Variants in GLIS3 observed in about 807,000 individuals in gnomAD.
GLIS3 encodes zinc finger protein GLIS3.
Under a neutral mutation model 78.6 loss-of-function variants are expected in GLIS3, and 53 were observed. The ratio of observed to expected loss-of-function variants is 0.67; its 90% confidence interval spans 0.54 to 0.85. The LOEUF (loss-of-function observed/expected upper bound fraction) is 0.85. Ranked by LOEUF, GLIS3 falls within the 40% of genes least tolerant of loss-of-function variation. GLIS3 has a pLI of 0.00. For synonymous variants in GLIS3, 684 were observed against 509.9 expected, an observed-to-expected ratio of 1.34 and a Z score of -4.60; for missense variants, 1,703 against 1,231.1, an observed-to-expected ratio of 1.38 and a Z score of -5.74.
chr9:4,295,589 G>T lies in GLIS3; in HGVS notation c.-99+3832C>A, dbSNP rs138164399. ...AAAACCAGACAAAACTAATATATCT[G>T]TTAGAAACCAGGGCAACGGTTACCT... On this transcript the variant is annotated intron_variant, in intron 1 of 10. Transcript: ENST00000381971. Among the ~76,000 whole-genome samples, 466 of 152,270 alleles carry T rather than the reference G, an allele frequency of 3.1e-3. 3 individuals carry two copies. The highest frequency in any genetic ancestry group is 0.011 in the African/African-American group (446 of 41,552).
At chr9:4,246,522 G>T (rs1432859936) in intron 2 of GLIS3, among the ~76,000 whole-genome samples, 2 of 152,154 alleles carry the variant, frequency 1.3e-5, no homozygotes, top group Non-Finnish European at 2.9e-5. Context: ...GTTGTTTCAG[G>T]ATGTCTAATG....
At chr9:4,468,391 T>G in the GLIS3 span, among the ~76,000 whole-genome samples, 1 of 152,232 alleles carries the variant, frequency 6.6e-6, no homozygotes, top group Non-Finnish European at 1.5e-5. Context: ...GAGAGTAAGG[T>G]TGGGTTACCC....
At chr9:3,869,001 C>A (rs1484746225) in intron 8 of GLIS3, among the ~76,000 whole-genome samples, 1 of 152,148 alleles carries the variant, frequency 6.6e-6, no homozygotes, top group African/African-American at 2.4e-5. Context: ...ATACTCTAAA[C>A]TATGATTGCC....
the GLIS3 span, among the ~76,000 whole-genome samples, chr9:4,443,883 T>C: frequency 1.4e-3 from 213 of 152,358 alleles, no homozygotes; most frequent in Middle Eastern, 3.4e-3. Flanking sequence ...GTCAAAATTA[T>C]GTTAATCTGT....
the GLIS3 span, among the ~76,000 whole-genome samples, chr9:4,426,109 A>C: frequency 6.6e-6 from 1 of 152,210 alleles, no homozygotes. Context: ...CCCATCCATG[A>C]GTCCAGAGCC....
At chr9:4,169,961 C>T (rs1816229268) in intron 2 of GLIS3, among the ~76,000 whole-genome samples, 1 of 152,086 alleles carries the variant, frequency 6.6e-6, no homozygotes, top group Non-Finnish European at 1.5e-5. Context: ...CACAAGCGTC[C>T]TCACATCAAA....
intron 4 of GLIS3, among the ~76,000 whole-genome samples, chr9:3,968,449 C>T (rs1818127518): frequency 6.6e-6 from 1 of 152,104 alleles, no homozygotes; most frequent in Non-Finnish European, 1.5e-5. Context: ...AAATGAAATG[C>T]TGACTATATG....
intron 4 of GLIS3, among the ~76,000 whole-genome samples, chr9:4,117,458 C>A: frequency 6.6e-6 from 1 of 152,222 alleles, no homozygotes; most frequent in East Asian, 1.9e-4. Flanking sequence ...TGCTCTTGCA[C>A]ATCCATACAC....
At chr9:4,224,361 G>A (rs1053935792) in intron 2 of GLIS3, among the ~76,000 whole-genome samples, 5 of 152,180 alleles carry the variant, frequency 3.3e-5, no homozygotes, top group South Asian at 2.1e-4. Context: ...TCATCTGGCC[G>A]TCTCACTGGT....
At chr9:4,348,362 A>G (rs1277094734) in exon 1 of GLIS3, 2 of 152,158 alleles carry the variant, frequency 1.3e-5, no homozygotes, top group African/African-American at 4.8e-5. Flanking sequence ...TCACGATCCA[A>G]GTGCCTGTTG....
At chr9:3,903,371 G>A (rs766735733) in intron 6 of GLIS3, among the ~76,000 whole-genome samples, 2 of 152,200 alleles carry the variant, frequency 1.3e-5, no homozygotes, top group Non-Finnish European at 2.9e-5. Context: ...CCTTTACAAA[G>A]CCTTGACTGC....
chr9:4,252,927 G>T (rs1308815996), intron 2 of GLIS3, among the ~76,000 whole-genome samples: 1 of 152,216 alleles, frequency 6.6e-6, no homozygotes, highest in African/African-American at 2.4e-5. Context: ...GTTTGCCTGG[G>T]TATCACCAGT....
intron 9 of GLIS3, among the ~76,000 whole-genome samples, chr9:3,853,546 G>C (rs112391657): frequency 0.012 from 1,805 of 152,226 alleles, 16 homozygotes; most frequent in Non-Finnish European, 0.019. Context: ...AATTAATTAA[G>C]CTCCTACTCT....
At chr9:4,025,935 G>C (rs974401928) in intron 4 of GLIS3, among the ~76,000 whole-genome samples, 2 of 152,082 alleles carry the variant, frequency 1.3e-5, no homozygotes, top group African/African-American at 4.8e-5. Context: ...TAGAGAAAGA[G>C]ACCTGGGTTA....
chr9:4,359,034 G>A, the GLIS3 span, among the ~76,000 whole-genome samples: 1 of 152,158 alleles, frequency 6.6e-6, no homozygotes, highest in Non-Finnish European at 1.5e-5. Context: ...TGTAGAGGCA[G>A]AGACTTGCAA....
In GLIS3 at chr9:3,898,695, A is replaced by G; in HGVS notation, c.2124T>C (p.Tyr708=). 6.2e-7 allele frequency: 1 copy of G among 1,614,134 alleles called. No individual in the cohort carries two copies. The highest frequency in any genetic ancestry group is 8.5e-7 in the Non-Finnish European group (1 of 1,180,016). Residue 708 remains tyrosine, a synonymous_variant, in exon 7 of 11, where the codon TAT becomes TAC. Transcript: ENST00000381971. ...GRSPGPGPDL[Y]SAPIFSSNYS... ...CTCTGCCTTTGCTGTCTTTACCTGAATAGAGGTCAGGCCCGGGTCCAGGGG... is the reference window on the plus strand; with the variant it reads ...CTCTGCCTTTGCTGTCTTTACCTGAGTAGAGGTCAGGCCCGGGTCCAGGGG...
At chr9:4,331,790 A>C (rs1269395976) in intron 2 of GLIS3, among the ~76,000 whole-genome samples, 3 of 152,226 alleles carry the variant, frequency 2.0e-5, no homozygotes, top group Admixed American at 6.5e-5. Context: ...TAACCAGATG[A>C]ACATCTGGGT....
the GLIS3 span, among the ~76,000 whole-genome samples, chr9:4,422,866 C>T: frequency 6.6e-6 from 1 of 152,062 alleles, no homozygotes; most frequent in Non-Finnish European, 1.5e-5. Flanking sequence ...AGGCAAAGAC[C>T]CTGAGATAGA....
chr9:4,133,421 A>G (rs975614597), intron 2 of GLIS3, among the ~76,000 whole-genome samples: 4 of 152,226 alleles, frequency 2.6e-5, no homozygotes, highest in African/African-American at 9.6e-5. Flanking sequence ...TAGGGTTGGG[A>G]TATCACTCGA....
Sources: allele counts gnomAD v4.1 joint callset (sites outside exome capture counted in the v4.1 genomes callset), GRCh38; gene constraint gnomAD v4.1.1; transcripts MANE v1.5; gene names NCBI Gene and HGNC (gene_info 2026-07-23, HGNC 2026-07-21).